The following CCDC102B variants were observed in gnomAD, a reference collection of about 807,000 sequenced individuals.
The protein encoded by CCDC102B is coiled-coil domain containing 102B, also known as coiled-coil domain-containing protein 102B.
Under a neutral mutation model 57.4 loss-of-function variants are expected in CCDC102B, and 75 were observed. That is an observed-to-expected ratio of 1.31 (90% confidence interval 1.08 to 1.58). The LOEUF (loss-of-function observed/expected upper bound fraction) is 1.58. Among genes scored for constraint, CCDC102B ranks in the 40% most tolerant of loss-of-function variants. The pLI is 0.00. For synonymous variants in CCDC102B, 206 were observed against 201.9 expected, an observed-to-expected ratio of 1.02 and a Z score of -0.17; for missense variants, 636 against 582.6, an observed-to-expected ratio of 1.09 and a Z score of -0.94.
intron 6 of CCDC102B, among the ~76,000 whole-genome samples, chr18:68,956,364 T>TATATA (rs2049857888): frequency 3.0e-5 from 2 of 65,956 alleles, no homozygotes; most frequent in African/African-American, 4.4e-5. Flanking sequence ...ATATATAATA[T>TATATA]ATATATAAAA....
chr18:69,010,694 C>CA (rs147549639), intron 6 of CCDC102B, among the ~76,000 whole-genome samples: 3,923 of 152,102 alleles, frequency 0.026, 115 homozygotes, highest in East Asian at 0.13. Context: ...GTGTAAGGTG[C>CA]AAAATACATC....
intron 7 of CCDC102B, among the ~76,000 whole-genome samples, chr18:69,034,626 A>T (rs1271714680): frequency 2.0e-5 from 3 of 151,848 alleles, no homozygotes; most frequent in Non-Finnish European, 4.4e-5. Flanking sequence ...TTTTCTGTTG[A>T]AAAGTACTGA....
intron 6 of CCDC102B, among the ~76,000 whole-genome samples, chr18:68,956,214 T>C (rs1172476777): frequency 6.7e-6 from 1 of 149,238 alleles, no homozygotes; most frequent in Non-Finnish European, 1.5e-5. Flanking sequence ...TCCATCTGTT[T>C]ATGGATGTTA....
At chr18:68,775,287 T>C (rs2848926) in intron 2 of CCDC102B, among the ~76,000 whole-genome samples, 15,174 of 152,154 alleles carry the variant, frequency 0.1, 1,611 homozygotes, top group African/African-American at 0.27. Context: ...AGTGGCAATA[T>C]TGCTACATGA....
chr18:68,874,204 G>A lies in CCDC102B; in HGVS notation c.937-465G>A, dbSNP rs1022328233. Among the ~76,000 whole-genome samples, 432 of 93,412 alleles carry A rather than the reference G, an allele frequency of 4.6e-3. 3 individuals carry two copies. Among genetic ancestry groups the A allele is most frequent in the African/African-American group, 0.014 (329 of 23,642 alleles). The allele number at this position is 93,412 out of a possible 152,430, so 61.3% of individuals were successfully genotyped here. A position where few individuals can be genotyped will look rare whatever the true frequency, so the allele number is the denominator to read the frequency against. On this transcript the variant is annotated intron_variant, in intron 4 of 7. Coordinates refer to ENST00000360242, the MANE Select transcript of CCDC102B (RefSeq NM_024781.3). ...TGTGTGTGTGTGTGTGTGTGTGTGT[G>A]TGTGTGTGTATATATATATACTTTA...
At chr18:68,765,876 G>A (rs1298033432) in intron 2 of CCDC102B, among the ~76,000 whole-genome samples, 1 of 151,818 alleles carries the variant, frequency 6.6e-6, no homozygotes, top group Non-Finnish European at 1.5e-5. Context: ...CCCAGCTGAT[G>A]CACATGTGTG....
At chr18:68,851,815 G>C (rs896248840) in intron 4 of CCDC102B, among the ~76,000 whole-genome samples, 1 of 152,126 alleles carries the variant, frequency 6.6e-6, no homozygotes, top group African/African-American at 2.4e-5. Context: ...GTCTCTAAGT[G>C]AGTTACACAG....
intron 6 of CCDC102B, among the ~76,000 whole-genome samples, chr18:68,975,908 A>G (rs1293605048): frequency 2.0e-5 from 3 of 151,858 alleles, no homozygotes; most frequent in Non-Finnish European, 2.9e-5. Context: ...GTCACAATCA[A>G]TATTTTTTTC....
chr18:69,007,110 T>G (rs746015882), intron 6 of CCDC102B, among the ~76,000 whole-genome samples: 13 of 152,210 alleles, frequency 8.5e-5, no homozygotes, highest in Non-Finnish European at 1.9e-4. Context: ...AAGCTGATAT[T>G]TTAAAAATCA....
chr18:68,736,494 G>A (rs1328231478), intron 2 of CCDC102B, among the ~76,000 whole-genome samples: 2 of 152,082 alleles, frequency 1.3e-5, no homozygotes, highest in Non-Finnish European at 1.5e-5. Context: ...GCCTTGCACC[G>A]CGCACATCTT....
chr18:68,872,839 A>G (rs2039291142), intron 4 of CCDC102B, among the ~76,000 whole-genome samples: 3 of 152,088 alleles, frequency 2.0e-5, no homozygotes, highest in South Asian at 4.1e-4. Context: ...TCCACTCACA[A>G]TGATGAATGA....
chr18:68,768,560 A>C (rs1395491801), intron 2 of CCDC102B, among the ~76,000 whole-genome samples: 1 of 152,198 alleles, frequency 6.6e-6, no homozygotes, highest in East Asian at 1.9e-4. Flanking sequence ...TTTAGCATGT[A>C]ACTACTCAAT....
At chr18:68,974,945 A>C (rs1461215923) in intron 6 of CCDC102B, among the ~76,000 whole-genome samples, 1 of 151,978 alleles carries the variant, frequency 6.6e-6, no homozygotes, top group African/African-American at 2.4e-5. Context: ...TTTTAAATAT[A>C]CAGGCAATAC....
At chr18:69,056,840 C>G (rs938798512), downstream of CCDC102B, among the ~76,000 whole-genome samples, 1 of 151,970 alleles carries the variant, frequency 6.6e-6, no homozygotes, top group African/African-American at 2.4e-5. Context: ...GCCAGTGTTA[C>G]GCTACCATTA....
chr18:68,866,839 C>T (rs1029526813), intron 4 of CCDC102B: 2 of 694,232 alleles, frequency 2.9e-6, no homozygotes, highest in South Asian at 1.4e-5. Context: ...GTCCCTGTGT[C>T]TGGGGCCAGC....
At chr18:68,808,696 T>A (rs909289365) in intron 1 of CCDC102B, among the ~76,000 whole-genome samples, 1 of 152,208 alleles carries the variant, frequency 6.6e-6, no homozygotes, top group East Asian at 1.9e-4. Context: ...GCCAGGATGG[T>A]CTCGATCTCC....
intron 2 of CCDC102B, among the ~76,000 whole-genome samples, chr18:68,773,493 T>G (rs1599439859): frequency 6.6e-6 from 1 of 152,012 alleles, no homozygotes. Context: ...TTATAAAAAA[T>G]TAAATGACTA....
chr18:68,718,138 C>G (rs2032128271), intron 2 of CCDC102B: 1 of 152,070 alleles, frequency 6.6e-6, no homozygotes, highest in South Asian at 2.1e-4. Context: ...TATAAATTAC[C>G]AAGTCTGTAT....
chr18:68,742,501 G>A (rs542819553), intron 2 of CCDC102B, among the ~76,000 whole-genome samples: 1 of 152,282 alleles, frequency 6.6e-6, no homozygotes, highest in South Asian at 2.1e-4. Context: ...ACTATTAAAT[G>A]TTACATGCCA....
Sources: allele counts gnomAD v4.1 joint callset (sites outside exome capture counted in the v4.1 genomes callset), GRCh38; gene constraint gnomAD v4.1.1; transcripts MANE v1.5; gene names NCBI Gene and HGNC (gene_info 2026-07-23, HGNC 2026-07-21).